Variants in CLSTN2 observed in about 807,000 individuals in gnomAD.
CLSTN2 encodes the protein calsyntenin 2.
A neutral mutation model predicts 101.2 loss-of-function variants in CLSTN2; 48 were observed. The observed-to-expected ratio is 0.47, with a 90% CI of 0.38 to 0.60. CLSTN2 has a LOEUF of 0.60. Among genes scored for constraint, CLSTN2 ranks in the 20% least tolerant of loss-of-function variants. The pLI is 0.00. For synonymous variants in CLSTN2, 481 were observed against 463.6 expected (o/e 1.04, Z -0.48); for missense variants, 1,160 against 1,238.2 (o/e 0.94, Z 0.95).
chr3:140,117,254 A>C (rs2009260372), intron 1 of CLSTN2, among the ~76,000 whole-genome samples: 1 of 152,094 alleles, frequency 6.6e-6, no homozygotes, highest in Non-Finnish European at 1.5e-5. Flanking sequence ...ACCTTCTCAG[A>C]GCCAAGAATG....
intron 2 of CLSTN2, among the ~76,000 whole-genome samples, chr3:140,360,812 AATAG>A (rs2087722945): frequency 6.6e-6 from 1 of 152,256 alleles, no homozygotes; most frequent in Non-Finnish European, 1.5e-5. Context: ...CTCAAAAAGA[AATAG>A]AAAATCAGAA....
At chr3:140,562,667 G>T (rs761123066) in intron 13 of CLSTN2, 144 bp from the exon 14 acceptor site, 49 of 838,118 alleles carry the variant, frequency 5.8e-5, no homozygotes, top group Non-Finnish European at 1.5e-5. Flanking sequence ...TCTGCACATT[G>T]TCTGCCCAAA....
At chr3:140,053,965 T>C (rs180972301) in intron 1 of CLSTN2, among the ~76,000 whole-genome samples, 61 of 152,304 alleles carry the variant, frequency 4.0e-4, no homozygotes, top group African/African-American at 1.5e-3. Context: ...ATCTCTGAGT[T>C]AGACTCGGGC....
At chr3:140,290,155 G>A (rs1159132827) in intron 2 of CLSTN2, among the ~76,000 whole-genome samples, 1 of 151,986 alleles carries the variant, frequency 6.6e-6, no homozygotes, top group African/African-American at 2.4e-5. Context: ...ACAGATTCTG[G>A]AGTTATCTCA....
At chr3:140,090,432 C>T (rs2008758611) in intron 1 of CLSTN2, among the ~76,000 whole-genome samples, 1 of 152,044 alleles carries the variant, frequency 6.6e-6, no homozygotes, top group African/African-American at 2.4e-5. Flanking sequence ...AGCCACCATG[C>T]CTGGCCTTTT....
intron 2 of CLSTN2, among the ~76,000 whole-genome samples, chr3:140,299,526 C>T (rs1383021): frequency 0.37 from 55,985 of 151,992 alleles, 11,415 homozygotes; most frequent in Non-Finnish European, 0.47. Context: ...CCTTGCTTGT[C>T]AGGGAAGTAG....
At chr3:139,985,178 A>G (rs1490711202) in intron 1 of CLSTN2, among the ~76,000 whole-genome samples, 1 of 152,156 alleles carries the variant, frequency 6.6e-6, no homozygotes, top group Non-Finnish European at 1.5e-5. Context: ...TTTAAGGCAA[A>G]TAAGATTAGC....
intron 6 of CLSTN2, among the ~76,000 whole-genome samples, chr3:140,453,848 A>G (rs1933315781): frequency 6.6e-6 from 1 of 152,178 alleles, no homozygotes; most frequent in Admixed American, 6.5e-5. Context: ...ATAAAAGTTC[A>G]TGGTTTTCTA....
chr3:140,161,411 A>G (rs577001022), intron 1 of CLSTN2, among the ~76,000 whole-genome samples: 50 of 152,284 alleles, frequency 3.3e-4, no homozygotes, highest in Admixed American at 2.3e-3. Flanking sequence ...GATTTCAGAC[A>G]ATTATTCTCC....
intron 5 of CLSTN2, among the ~76,000 whole-genome samples, chr3:140,434,946 T>C (rs759661311): frequency 1.2e-4 from 19 of 152,202 alleles, no homozygotes; most frequent in Non-Finnish European, 2.4e-4. Context: ...GGGTACATAG[T>C]AGGTGTATAT....
At chr3:140,245,350 G>A (rs993022484) in intron 2 of CLSTN2, among the ~76,000 whole-genome samples, 1 of 152,140 alleles carries the variant, frequency 6.6e-6, no homozygotes, top group Non-Finnish European at 1.5e-5. Context: ...GCCAGGCTGT[G>A]TGCTGAGCAT....
intron 1 of CLSTN2, among the ~76,000 whole-genome samples, chr3:140,118,207 C>T (rs2009278514): frequency 6.6e-6 from 1 of 152,074 alleles, no homozygotes; most frequent in Non-Finnish European, 1.5e-5. Flanking sequence ...ATCCTGATGA[C>T]ACCCTGCTCT....
chr3:140,040,338 G>A (rs1053611021), intron 1 of CLSTN2, among the ~76,000 whole-genome samples: 1 of 152,124 alleles, frequency 6.6e-6, no homozygotes, highest in Non-Finnish European at 1.5e-5. Flanking sequence ...CAACACTCCT[G>A]GGGTGCTAAT....
chr3:139,999,081 GC>G, intron 1 of CLSTN2, among the ~76,000 whole-genome samples: 1 of 152,078 alleles, frequency 6.6e-6, no homozygotes, highest in Non-Finnish European at 1.5e-5. Flanking sequence ...CATTGCTGGT[GC>G]CAGCCCTTTG....
At chr3:139,991,464 C>G (rs930979872) in intron 1 of CLSTN2, among the ~76,000 whole-genome samples, 1 of 152,044 alleles carries the variant, frequency 6.6e-6, no homozygotes, top group African/African-American at 2.4e-5. Context: ...TAGCAGTTCC[C>G]GAGAAACCAA....
chr3:139,955,454 AAC>A (rs529860734), intron 1 of CLSTN2, among the ~76,000 whole-genome samples: 113 of 152,198 alleles, frequency 7.4e-4, no homozygotes, highest in African/African-American at 2.5e-3. Context: ...AACTTAGCGA[AAC>A]AGTGACCATT....
At chr3:140,531,967 A>T (rs1049926707) in intron 8 of CLSTN2, among the ~76,000 whole-genome samples, 6 of 152,098 alleles carry the variant, frequency 3.9e-5, no homozygotes, top group Non-Finnish European at 8.8e-5. Flanking sequence ...TGAGACCAGG[A>T]GTCTTGGGTT....
intron 2 of CLSTN2, among the ~76,000 whole-genome samples, chr3:140,224,875 T>A (rs899114506): frequency 6.6e-6 from 1 of 152,128 alleles, no homozygotes; most frequent in African/African-American, 2.4e-5. Flanking sequence ...AAGCTAGAGA[T>A]TAGAGAGACT....
intron 8 of CLSTN2, among the ~76,000 whole-genome samples, chr3:140,479,742 G>A (rs991357744): frequency 1.3e-5 from 2 of 152,114 alleles, no homozygotes; most frequent in Non-Finnish European, 2.9e-5. Flanking sequence ...GGAAGAAAGA[G>A]AGCCTCAAAA....
Sources: allele counts gnomAD v4.1 joint callset (sites outside exome capture counted in the v4.1 genomes callset), GRCh38; gene constraint gnomAD v4.1.1; transcripts MANE v1.5; gene names NCBI Gene and HGNC (gene_info 2026-07-23, HGNC 2026-07-21).